Variants in SLC13A1 observed in about 807,000 individuals in gnomAD.
SLC13A1 encodes solute carrier family 13 member 1.
A neutral mutation model predicts 70.0 loss-of-function variants in SLC13A1; 65 were observed. That is an observed-to-expected ratio of 0.93 (90% CI 0.76 to 1.14). SLC13A1 has a LOEUF of 1.14. SLC13A1 is among the 50% of genes most tolerant of loss of function. The pLI is 0.00. For synonymous variants in SLC13A1, 275 were observed against 250.5 expected (o/e 1.10, Z -0.92); for missense variants, 726 against 717.8 (o/e 1.01, Z -0.13).
chr7:123,170,556 T>C (rs1795234338), intron 3 of SLC13A1, among the ~76,000 whole-genome samples: 1 of 152,190 alleles, frequency 6.6e-6, no homozygotes, highest in Non-Finnish European at 1.5e-5. Context: ...GATACATTTC[T>C]GTAGCACCCT....
intron 2 of SLC13A1, 111 bp downstream of exon 2, chr7:123,180,862 T>C: frequency 8.6e-7 from 1 of 1,166,960 alleles, no homozygotes. Flanking sequence ...TTGGGGGACT[T>C]ATGTGGAACC....
Position 123,123,133 on chromosome 7 carries a change from C to T in SLC13A1, c.1343G>A (p.Gly448Asp), listed in dbSNP as rs374304475. ...LVGGGFALAD[G>D]CEESGLSKWI... ...TTACACACAGAGTATTACCTCACAA[C>T]CATCTGCCAGGGCAAACCCTCCACC... The change falls in exon 12 of 15, where the codon GGT becomes GAT. Residue 448 changes from glycine (G) to aspartate (D), a missense_variant. Transcript: ENST00000194130. 221 of 1,609,106 alleles carry T rather than the reference C, an allele frequency of 1.4e-4. No homozygotes were observed. The highest frequency in any genetic ancestry group is 1.8e-4 in the Non-Finnish European group (216 of 1,175,678).
chr7:123,125,803 C>A, intron 10 of SLC13A1, 128 bp from the exon 11 acceptor site: 1 of 659,170 alleles, frequency 1.5e-6, no homozygotes. Context: ...GTTATTTATC[C>A]TCAATAATCT....
intron 1 of SLC13A1, among the ~76,000 whole-genome samples, chr7:123,182,924 A>AC (rs1795685792): frequency 6.6e-6 from 1 of 152,018 alleles, no homozygotes; most frequent in Non-Finnish European, 1.5e-5. Flanking sequence ...ATTCAAACCC[A>AC]CCTTCACTTT....
intron 7 of SLC13A1, among the ~76,000 whole-genome samples, chr7:123,146,168 CTG>C (rs753978372): frequency 6.6e-6 from 1 of 152,286 alleles, no homozygotes; most frequent in East Asian, 1.9e-4. Context: ...ACCCTATCAA[CTG>C]TGACTATTTT....
Position 123,115,299 on chromosome 7 carries a change from G to C in SLC13A1, c.*219C>G. The C allele has an allele frequency of 2.8e-6, 1 of 351,030 alleles. No individual in the cohort carries two copies. The highest frequency in any genetic ancestry group is 4.5e-5 in the East Asian group (1 of 22,266). The allele number at this position is 351,030 out of a possible 1,614,324, so 21.7% of individuals were successfully genotyped here. On this transcript the variant is annotated 3_prime_UTR_variant, in exon 15 of 15. Transcript: ENST00000194130. ...TTCATGAGCAAAATCTCAAAACATG[G>C]GCTTCTTGATGAAGGCACATAGATG...
intron 6 of SLC13A1, among the ~76,000 whole-genome samples, chr7:123,164,198 C>T (rs1349175674): frequency 6.6e-6 from 1 of 151,852 alleles, no homozygotes; most frequent in African/African-American, 2.4e-5. Context: ...TGACATTGAG[C>T]AAATGTTAAA....
At position 123,147,170 on chromosome 7, in the gene SLC13A1, C is replaced by T; in HGVS notation, c.801G>A (p.Glu267=). Residue 267 remains glutamate, a synonymous_variant, in exon 7 of 15, where the codon GAG becomes GAA. Transcript: ENST00000194130. The part of the protein sequence containing the change: ...TGTSTNLIFA[E]YFNTRYPDCR... ...ATAAGGTTACTTACGTATTGAAATA[C>T]TCTGCAAAGATCAAGTTGGTGGAGG... 1.9e-6 allele frequency: 3 copies of T among 1,613,516 alleles called. No homozygotes were observed. Among genetic ancestry groups the T allele is most frequent in the South Asian group, 1.1e-5 (1 of 91,046 alleles).
At chr7:123,180,572 G>A (rs1585390708) in intron 2 of SLC13A1, among the ~76,000 whole-genome samples, 2 of 152,096 alleles carry the variant, frequency 1.3e-5, no homozygotes, top group Non-Finnish European at 2.9e-5. Flanking sequence ...GAAATGGCAG[G>A]TTTCTGGAAA....
intron 1 of SLC13A1, chr7:123,190,331 T>C (rs1479600789): frequency 3.0e-6 from 1 of 332,072 alleles, no homozygotes; most frequent in East Asian, 7.8e-5. Flanking sequence ...CTTGGGGATT[T>C]CCAACCTTGG....
At chr7:123,186,930 T>C (rs1311821120) in intron 1 of SLC13A1, among the ~76,000 whole-genome samples, 1 of 152,116 alleles carries the variant, frequency 6.6e-6, no homozygotes, top group Non-Finnish European at 1.5e-5. Flanking sequence ...ACAATTTTTT[T>C]TTTTTTAAAT....
rs761976861 is a variant in SLC13A1 at position 123,147,219 on chromosome 7, C to T, written c.752G>A (p.Gly251Asp). Residue 251 changes from glycine to aspartate, a missense_variant, in exon 7 of 15, where the codon GGT becomes GAT. By Grantham distance (94) the Gly-to-Asp change is moderately conservative. Coordinates refer to ENST00000194130, the MANE Select transcript of SLC13A1 (RefSeq NM_022444.4). ...CLCIAYSSTI[G>D]GLTTITGTST... The stretch of plus-strand genomic sequence containing the variant: ...GGTACCAGTGATTGTTGTCAGTCCA[C>T]CAATGGTAGAAGAGTAGGCAATGCA... The T allele has an allele frequency of 1.1e-5, 18 of 1,613,610 alleles. No individual in the cohort carries two copies. Among genetic ancestry groups the T allele is most frequent in the East Asian group, 2.2e-5 (1 of 44,794 alleles).
At chr7:123,151,368 G>A (rs1215209267) in intron 6 of SLC13A1, among the ~76,000 whole-genome samples, 1 of 125,844 alleles carries the variant, frequency 7.9e-6, no homozygotes, top group African/African-American at 3.4e-5. Flanking sequence ...TTGAATATAT[G>A]TGTGTGTGTG....
In SLC13A1 at chr7:123,147,230, A is replaced by C; in HGVS notation, c.741T>G (p.Ser247=). Residue 247 remains serine, a synonymous_variant, in exon 7 of 15, where the codon TCT becomes TCG. Transcript: ENST00000194130. The part of the protein sequence containing the change: ...RKLTCLCIAY[S]STIGGLTTIT... ...TTGTTGTCAGTCCACCAATGGTAGAAGAGTAGGCAATGCACAAACACGTAA... is the reference window on the plus strand; with the variant it reads ...TTGTTGTCAGTCCACCAATGGTAGACGAGTAGGCAATGCACAAACACGTAA... 1 of 1,613,740 alleles carries C rather than the reference A, an allele frequency of 6.2e-7. No homozygotes were observed. The highest frequency in any genetic ancestry group is 8.5e-7 in the Non-Finnish European group (1 of 1,179,828).
At chr7:123,148,190 C>T (rs192296509) in intron 6 of SLC13A1, among the ~76,000 whole-genome samples, 2 of 152,226 alleles carry the variant, frequency 1.3e-5, no homozygotes, top group Non-Finnish European at 2.9e-5. Context: ...ATTCCTTTGA[C>T]CATTATATTT....
chr7:123,121,913 G>A (rs1793394070), intron 12 of SLC13A1, among the ~76,000 whole-genome samples: 1 of 152,052 alleles, frequency 6.6e-6, no homozygotes, highest in African/African-American at 2.4e-5. Context: ...TGAAGCTCAT[G>A]GCTTCAATCT....
chr7:123,142,034 G>A (rs1398745593), intron 7 of SLC13A1, among the ~76,000 whole-genome samples: 1 of 152,060 alleles, frequency 6.6e-6, no homozygotes, highest in Non-Finnish European at 1.5e-5. Flanking sequence ...ATAAAAGGAA[G>A]CTTTTAGTGA....
intron 6 of SLC13A1, among the ~76,000 whole-genome samples, chr7:123,158,458 T>G (rs1048816283): frequency 6.6e-6 from 1 of 152,120 alleles, no homozygotes; most frequent in African/African-American, 2.4e-5. Flanking sequence ...TTAAATAGCT[T>G]AGAAACCACA....
At chr7:123,150,977 C>A (rs1306898588) in intron 6 of SLC13A1, among the ~76,000 whole-genome samples, 2 of 152,132 alleles carry the variant, frequency 1.3e-5, no homozygotes, top group African/African-American at 4.8e-5. Flanking sequence ...CACCAAACTT[C>A]TGTCTTCAGC....
Sources: gnomAD v4.1 joint callset for allele counts (sites outside exome capture counted in the v4.1 genomes callset) on GRCh38, gnomAD v4.1.1 for gene constraint, MANE v1.5 for transcripts, NCBI Gene and HGNC (gene_info 2026-07-23, HGNC 2026-07-21) for gene names.